Variants in CACNA2D4 observed in about 807,000 individuals in gnomAD.
CACNA2D4 encodes the protein voltage-dependent calcium channel subunit alpha-2/delta-4.
CACNA2D4 carries 157 observed loss-of-function variants against 163.8 expected under a neutral mutation model. The ratio of observed to expected loss-of-function variants is 0.96; its 90% CI spans 0.84 to 1.09. The LOEUF (loss-of-function observed/expected upper bound fraction) is 1.09, where lower values mean the gene tolerates loss of function less well. Among genes scored for constraint, CACNA2D4 ranks in the 50% least tolerant of loss-of-function variants. The pLI, the probability that CACNA2D4 is intolerant of heterozygous loss-of-function variation, is 0.00. For missense variants in CACNA2D4, 1,410 were observed against 1,479.9 expected (o/e 0.95, Z 0.78); for synonymous variants, 598 against 586.9 (o/e 1.02, Z -0.27).
rs571129509 is a variant in CACNA2D4, at chr12:1,801,586, C to A, written c.2780G>T (p.Gly927Val). 2 of 1,589,400 alleles carry A rather than the reference C, an allele frequency of 1.3e-6. No homozygotes were observed. The highest frequency in any genetic ancestry group is 1.3e-5 in the African/African-American group (1 of 74,468). Residue 927 changes from glycine (G) to valine (V), a missense_variant, in exon 30 of 38, where the codon GGG becomes GTG. Physicochemically the swap from Gly to Val is moderately radical, Grantham distance 109. Coordinates refer to ENST00000382722, the MANE Select transcript of CACNA2D4 (RefSeq NM_172364.5). ...GAVLTQLLSM[G>V]VFSQVTMYDY... Reference sequence around the variant, plus strand: ...GTGCCCCACTTACTGGCTGAACACCCCCATGCTGAGCAGCTGGGTCAGGAC... The same window carrying A: ...GTGCCCCACTTACTGGCTGAACACCACCATGCTGAGCAGCTGGGTCAGGAC...
chr12:1,810,802 GTC>G (rs898311938), intron 27 of CACNA2D4, among the ~76,000 whole-genome samples: 1 of 152,130 alleles, frequency 6.6e-6, no homozygotes, highest in African/African-American at 2.4e-5. Context: ...GCATGTGTGT[GTC>G]TATGTGTGGG....
Position 1,884,774 on chromosome 12 carries a change from G to C in CACNA2D4, c.1266C>G (p.Asp422Glu), listed in dbSNP as rs759173333. ...EPVFEKYNWP[D>E]CKVRVFTYLI... ...ACACCCGTGGGAGGGTCACCTTACAGTCTGGCCAGTTATACTTCTCAAACA... is the reference window on the plus strand; with the variant it reads ...ACACCCGTGGGAGGGTCACCTTACACTCTGGCCAGTTATACTTCTCAAACA... The change falls in exon 11 of 38, where the codon GAC becomes GAG. Residue 422 changes from aspartate to glutamate, a missense_variant. Coordinates refer to ENST00000382722, the MANE Select transcript of CACNA2D4 (RefSeq NM_172364.5). 6.2e-7 allele frequency: 1 copy of C among 1,611,336 alleles called. No individual in the cohort carries two copies. The highest frequency in any genetic ancestry group is 8.5e-7 in the Non-Finnish European group (1 of 1,177,818).
At chr12:1,899,725 T>A (rs570791317) in intron 6 of CACNA2D4, among the ~76,000 whole-genome samples, 2 of 152,146 alleles carry the variant, frequency 1.3e-5, no homozygotes, top group Non-Finnish European at 2.9e-5. Flanking sequence ...CTAATCTTAT[T>A]CAAATACTTC....
rs1001744792 is a variant in CACNA2D4 at position 1,828,397 on chromosome 12, C to T, written c.2551+12342G>A. Reference sequence around the variant, plus strand: ...GGGTCACGCCCACGGTGACAGCATCCCTGCCAGTCAGAGTCACCGCTGAGT... The same window carrying T: ...GGGTCACGCCCACGGTGACAGCATCTCTGCCAGTCAGAGTCACCGCTGAGT... On this transcript the variant is annotated intron_variant, in intron 26 of 37. Transcript: ENST00000382722. The surrounding 1 kb of genome is among the most constrained non-coding windows in gnomAD (Gnocchi z 4.2). Among the ~76,000 whole-genome samples, 1 of 152,222 alleles carries T rather than the reference C, an allele frequency of 6.6e-6. No individual in the cohort carries two copies. The highest frequency in any genetic ancestry group is 1.5e-5 in the Non-Finnish European group (1 of 68,034).
chr12:1,819,557 G>A (rs1337339700), intron 26 of CACNA2D4, among the ~76,000 whole-genome samples: 3 of 152,128 alleles, frequency 2.0e-5, no homozygotes, highest in Non-Finnish European at 2.9e-5. Flanking sequence ...TACAGGCAGT[G>A]GACGCAAAGG....
At chr12:1,901,390 A>C (rs949060980) in intron 6 of CACNA2D4, among the ~76,000 whole-genome samples, 1 of 152,108 alleles carries the variant, frequency 6.6e-6, no homozygotes, top group African/African-American at 2.4e-5. Flanking sequence ...AAACCCAAAG[A>C]TCAATGAAAT....
At position 1,878,527 on chromosome 12, in the gene CACNA2D4, G is replaced by A; in HGVS notation, c.1645-138C>T. 1.4e-6 allele frequency: 2 copies of A among 1,470,342 alleles called. No individual in the cohort carries two copies. Among genetic ancestry groups the A allele is most frequent in the Non-Finnish European group, 1.8e-6 (2 of 1,084,794 alleles). The allele number at this position is 1,470,342 out of a possible 1,614,324, so 91.1% of individuals were successfully genotyped here. On this transcript the variant is annotated intron_variant, in intron 15 of 37. Transcript: ENST00000382722. The surrounding 1 kb of genome is among the most constrained non-coding windows in gnomAD (Gnocchi z 4.6). Reference sequence around the variant, plus strand: ...GAGTGTTTTCAATAGGAACGTAACTGAGCCAGTGCCATGCTTCCATCATTG... The same window carrying A: ...GAGTGTTTTCAATAGGAACGTAACTAAGCCAGTGCCATGCTTCCATCATTG...
rs577340363 is a variant in CACNA2D4, at chr12:1,915,106, C to T, written c.228-171G>A. On this transcript the variant is annotated intron_variant, in intron 1 of 37. Transcript: ENST00000382722. ...ACACATAATGCATAAGAAATGCACA[C>T]ACACGTACACACACATACATACCCC... 5.7e-6 allele frequency: 4 copies of T among 707,350 alleles called. No individual in the cohort carries two copies. In the East Asian group the frequency reaches 8.0e-5, roughly 14 times the overall value. The allele number at this position is 707,350 out of a possible 1,614,324, so 43.8% of individuals were successfully genotyped here. A position where few individuals can be genotyped will look rare whatever the true frequency, so the allele number is the denominator to read the frequency against.
chr12:1,851,679 GTTT>G (rs71057803), intron 23 of CACNA2D4, among the ~76,000 whole-genome samples: 1 of 63,522 alleles, frequency 1.6e-5, no homozygotes, highest in African/African-American at 5.2e-5. Flanking sequence ...GTGTGTGTGC[GTTT>G]TTTTTTTTTT....
rs968017823 is a variant in CACNA2D4 at position 1,828,022 on chromosome 12, G to A, written c.2551+12717C>T. The stretch of plus-strand genomic sequence containing the variant: ...ACCCGGGCCCTCTCCCTAACCCCTG[G>A]GCTGGAACGGGGCTCCCGCGCCTGC... On this transcript the variant is annotated intron_variant, in intron 26 of 37. Coordinates refer to ENST00000382722, the MANE Select transcript of CACNA2D4 (RefSeq NM_172364.5). This position sits in a 1 kb window ranked among gnomAD's most constrained non-coding sequence, Gnocchi z 4.2. The A allele has an allele frequency of 3.9e-6, 3 of 777,426 alleles. No homozygotes were observed. In the African/African-American group the frequency reaches 5.4e-5, roughly 14 times the overall value. 48.2% of individuals were successfully genotyped at this position (777,426 alleles called of 1,614,324 possible).
chr12:1,829,723 A>T lies in CACNA2D4; in HGVS notation c.2551+11016T>A, dbSNP rs1864532748. ...CCCCGACCTGGGACAGCCAGGTCCC[A>T]GGTCCCATGTCAGGGTGGGCCGATG... On this transcript the variant is annotated intron_variant, in intron 26 of 37. Transcript: ENST00000382722. The surrounding 1 kb of genome is among the most constrained non-coding windows in gnomAD (Gnocchi z 4.2). Among the ~76,000 whole-genome samples, 1 of 143,896 alleles carries T rather than the reference A, an allele frequency of 6.9e-6. No homozygotes were observed. The highest frequency in any genetic ancestry group is 6.9e-5 in the Admixed American group (1 of 14,512). 94.4% of individuals were successfully genotyped at this position (143,896 alleles called of 152,430 possible).
At chr12:1,897,138 CTA>C in intron 6 of CACNA2D4, among the ~76,000 whole-genome samples, 2 of 152,170 alleles carry the variant, frequency 1.3e-5, no homozygotes, top group Middle Eastern at 3.4e-3. Flanking sequence ...AAGACAAGCA[CTA>C]CATGTTCTCG....
chr12:1,803,604 A>G (rs1238986091), intron 29 of CACNA2D4, among the ~76,000 whole-genome samples: 2 of 152,254 alleles, frequency 1.3e-5, no homozygotes. Context: ...ATTGTAATCT[A>G]AAAATGGAGG....
At chr12:1,795,568 C>T in intron 36 of CACNA2D4, 100 bp downstream of exon 36, 1 of 883,044 alleles carries the variant, frequency 1.1e-6, no homozygotes, top group Non-Finnish European at 1.8e-6. Context: ...AGGACACGGG[C>T]GGTGAAGGAG....
At chr12:1,886,443 T>G in intron 7 of CACNA2D4, 70 bp from the exon 8 acceptor site, 1 of 1,461,326 alleles carries the variant, frequency 6.8e-7, no homozygotes, top group Non-Finnish European at 9.4e-7. Flanking sequence ...CCAAGGGGTC[T>G]GCAGTTATTT....
chr12:1,818,012 C>G (rs1863939224), intron 26 of CACNA2D4, among the ~76,000 whole-genome samples: 1 of 151,542 alleles, frequency 6.6e-6, no homozygotes, highest in Non-Finnish European at 1.5e-5. Context: ...CGCCTCTGCC[C>G]GGCCGCCATC....
intron 26 of CACNA2D4, among the ~76,000 whole-genome samples, chr12:1,817,174 C>G (rs1482626495): frequency 6.6e-6 from 1 of 152,186 alleles, no homozygotes; most frequent in African/African-American, 2.4e-5. Context: ...ATACTTAGGT[C>G]ACAGAAGGCC....
intron 3 of CACNA2D4, 48 bp downstream of exon 3, chr12:1,912,975 G>A (rs764867713): frequency 8.9e-6 from 11 of 1,235,122 alleles, no homozygotes; most frequent in Admixed American, 8.7e-5. Flanking sequence ...TGCCACCTGC[G>A]TCATGGGGCT....
At chr12:1,794,581 G>C (rs1258706949) in intron 37 of CACNA2D4, among the ~76,000 whole-genome samples, 1 of 152,144 alleles carries the variant, frequency 6.6e-6, no homozygotes, top group South Asian at 2.1e-4. Flanking sequence ...CTCAGGCTCC[G>C]TGAGTTGTTA....
Sources: gnomAD v4.1 joint callset for allele counts (sites outside exome capture counted in the v4.1 genomes callset) on GRCh38, gnomAD v4.1.1 for gene constraint, Gnocchi (gnomAD v3.1) non-coding constraint, MANE v1.5 for transcripts, NCBI Gene and HGNC (gene_info 2026-07-23, HGNC 2026-07-21) for gene names.